SNRPB: variants seen among roughly 807,000 people sequenced by gnomAD.
SNRPB encodes the protein small nuclear ribonucleoprotein polypeptides B and B1, also known as small nuclear ribonucleoprotein-associated proteins B and B'.
SNRPB carries 5 observed loss-of-function variants against 26.6 expected under a neutral mutation model. The ratio of observed to expected loss-of-function variants is 0.19; its 90% CI spans 0.10 to 0.39. The LOEUF (loss-of-function observed/expected upper bound fraction) is 0.39, where lower values mean the gene tolerates loss of function less well. Among genes scored for constraint, SNRPB ranks in the 10% least tolerant of loss-of-function variants. The pLI, the probability that SNRPB is intolerant of heterozygous loss-of-function variation, is 1.00. For missense variants in SNRPB, 211 were observed against 311.9 expected, an observed-to-expected ratio of 0.68 and a Z score of 2.44; for synonymous variants, 122 against 105.8, an observed-to-expected ratio of 1.15 and a Z score of -0.94.
Position 2,462,625 on chromosome 20 carries a change from C to T in SNRPB, c.685+11G>A, listed in dbSNP as rs1328505160. On this transcript the variant is annotated intron_variant, in intron 6 of 6. Coordinates refer to ENST00000381342, the MANE Select transcript of SNRPB (RefSeq NM_003091.4). ...GGGAAAGAAGCCAAAGTCACCACTG[C>T]AGGCACTTACCTCGCATCCCAGGGG... is the stretch of plus-strand genomic sequence containing the variant. The T allele has an allele frequency of 6.2e-7, 1 of 1,611,984 alleles. No individual in the cohort carries two copies. Among genetic ancestry groups the T allele is most frequent in the African/African-American group, 1.3e-5 (1 of 74,888 alleles).
At position 2,469,685 on chromosome 20, in the gene SNRPB, C is replaced by T. The variant is rs191893941; in HGVS notation, c.3+1003G>A. 1.7e-3 allele frequency among the ~76,000 whole-genome samples: 265 copies of T among 152,212 alleles called. 2 individuals are homozygous for T. Among genetic ancestry groups the T allele is most frequent in the African/African-American group, 6.1e-3 (255 of 41,538 alleles). ...TCCAGCCTGGGCAACAAAAGCAAAA[C>T]TCCGTCTCAAAAAAATAAAAATAAA... On this transcript the variant is annotated intron_variant, in intron 1 of 6. Transcript: ENST00000381342.
Position 2,463,177 on chromosome 20 carries a change from G to A in SNRPB, c.471C>T (p.Ala157=). The change falls in exon 5 of 7, where the codon GCC becomes GCT. Residue 157 remains alanine (A), a synonymous_variant. Coordinates refer to ENST00000381342, the MANE Select transcript of SNRPB (RefSeq NM_003091.4). The surrounding 1 kb of genome is among the most constrained non-coding windows in gnomAD (Gnocchi z 5.0). ...RGTVAAAAAA[A]TASIAGAPTQ... is the part of the protein sequence containing the mutation. ...TTGGAGCCCCGGCAATACTGGCTGT[G>A]GCAGCAGCTGCAGCGGCTGCAACAG... The A allele has an allele frequency of 6.2e-7, 1 of 1,609,832 alleles. No homozygotes were observed. Among genetic ancestry groups the A allele is most frequent in the Non-Finnish European group, 8.5e-7 (1 of 1,176,372 alleles).
chr20:2,462,490 T>A (rs558577273), intron 6 of SNRPB, 146 bp downstream of exon 6: 1 of 810,812 alleles, frequency 1.2e-6, no homozygotes, highest in Admixed American at 1.9e-5. Context: ...ATTTAAGAAA[T>A]GTTCCCTCTT....
chr20:2,466,632 T>A (rs1055579078), intron 2 of SNRPB, among the ~76,000 whole-genome samples: 8 of 152,224 alleles, frequency 5.3e-5, no homozygotes, highest in African/African-American at 1.9e-4. Context: ...TCTTATTTTT[T>A]AAAATAATAA....
At chr20:2,462,289 C>G (rs968349162) in intron 6 of SNRPB, among the ~76,000 whole-genome samples, 5 of 152,160 alleles carry the variant, frequency 3.3e-5, no homozygotes, top group South Asian at 2.1e-4. Context: ...CATAATAGTA[C>G]AGCAAAGCCC....
chr20:2,469,190 G>A (rs1415976210), intron 1 of SNRPB, among the ~76,000 whole-genome samples: 1 of 152,154 alleles, frequency 6.6e-6, no homozygotes, highest in Non-Finnish European at 1.5e-5. Flanking sequence ...TGAGGTCACT[G>A]AGGCTAGGAG....
At chr20:2,466,945 A>G (rs1171274946) in intron 2 of SNRPB, among the ~76,000 whole-genome samples, 1 of 152,212 alleles carries the variant, frequency 6.6e-6, no homozygotes, top group Non-Finnish European at 1.5e-5. Flanking sequence ...GCATATGACA[A>G]AAGAGCTGCT....
Position 2,462,711 on chromosome 20 carries a change from C to T in SNRPB, c.610G>A (p.Gly204Arg). 3 of 1,591,904 alleles carry T rather than the reference C, an allele frequency of 1.9e-6. No homozygotes were observed. Among genetic ancestry groups the T allele is most frequent in the Non-Finnish European group, 2.6e-6 (3 of 1,164,934 alleles). ...GMRPPMGPPM[G>R]IPPGRGTPMG... The stretch of plus-strand genomic sequence containing the variant: ...GGAGTCCCTCTTCCAGGGGGGATCC[C>T]CATTGGGGGACCCATAGGAGGTCTC... Residue 204 changes from glycine to arginine, a missense_variant, in exon 6 of 7, where the codon GGG becomes AGG. Physicochemically the swap from Gly to Arg is moderately radical, Grantham distance 125. Coordinates refer to ENST00000381342, the MANE Select transcript of SNRPB (RefSeq NM_003091.4).
chr20:2,467,391 GCCCTTC>G (rs2085080928), intron 2 of SNRPB: 2 of 644,244 alleles, frequency 3.1e-6, no homozygotes, highest in Admixed American at 2.4e-5. Flanking sequence ...AAGCCTAGCA[GCCCTTC>G]ACAACTTGTA....
chr20:2,464,371 C>T (rs1228697429), intron 3 of SNRPB, among the ~76,000 whole-genome samples: 2 of 152,152 alleles, frequency 1.3e-5, no homozygotes, highest in South Asian at 2.1e-4. Context: ...TTATGTTAGA[C>T]CAGCCAATTC....
Position 2,465,701 on chromosome 20 carries a change from G to A in SNRPB, c.267+7C>T, listed in dbSNP as rs1479912992. On this transcript the variant is annotated splice_region_variant and intron_variant, in intron 3 of 6. Coordinates refer to ENST00000381342, the MANE Select transcript of SNRPB (RefSeq NM_003091.4). ...CCTCCTCCACAAGGCTTCCTGCTCT[G>A]ACTTACATCTTTGGGAGGAGGTCCC... 4 of 1,592,960 alleles carry A rather than the reference G, an allele frequency of 2.5e-6. No homozygotes were observed. The highest frequency in any genetic ancestry group is 2.2e-5 in the East Asian group (1 of 44,746).
intron 3 of SNRPB, among the ~76,000 whole-genome samples, chr20:2,464,854 G>C (rs1172020786): frequency 1.3e-5 from 2 of 148,244 alleles, no homozygotes; most frequent in African/African-American, 5.1e-5. Context: ...TGGCGACAGA[G>C]CGAGACTCCA....
intron 3 of SNRPB, among the ~76,000 whole-genome samples, chr20:2,464,983 G>GA (rs1238182038): frequency 1.3e-5 from 2 of 152,062 alleles, no homozygotes; most frequent in Admixed American, 1.3e-4. Context: ...GGTGTTTACA[G>GA]AATCAAGACT....
At position 2,463,045 on chromosome 20, in the gene SNRPB, GCATCTTCT is replaced by G; in HGVS notation, c.559+36_559+43del. The G allele has an allele frequency of 1.4e-6, 2 of 1,479,170 alleles. No homozygotes were observed. Among genetic ancestry groups the G allele is most frequent in the Non-Finnish European group, 1.8e-6 (2 of 1,099,824 alleles). 91.6% of individuals were successfully genotyped at this position (1,479,170 alleles called of 1,614,324 possible). A position where few individuals can be genotyped will look rare whatever the true frequency, so the allele number is the denominator to read the frequency against. ...ATATCTCATCATTAATCCAGCTAAG[GCATCTTCT>G]ATCAATTAGCACTGGTCTCCTTATG... is the stretch of plus-strand genomic sequence containing the variant. On this transcript the variant is annotated intron_variant, in intron 5 of 6. Coordinates refer to ENST00000381342, the MANE Select transcript of SNRPB (RefSeq NM_003091.4). This position sits in a 1 kb window ranked among gnomAD's most constrained non-coding sequence, Gnocchi z 5.0.
chr20:2,466,797 C>T (rs2085077607), intron 2 of SNRPB, among the ~76,000 whole-genome samples: 1 of 152,140 alleles, frequency 6.6e-6, no homozygotes, highest in South Asian at 2.1e-4. Context: ...CTGTTGGCCC[C>T]TCTCTAATAC....
intron 1 of SNRPB, 131 bp downstream of exon 1, chr20:2,470,556 AC>A: frequency 9.1e-7 from 1 of 1,096,880 alleles, no homozygotes. Flanking sequence ...TCCCGCCCAG[AC>A]CGAGCGGCCT....
chr20:2,470,167 A>C (rs995404527), intron 1 of SNRPB, among the ~76,000 whole-genome samples: 34 of 152,222 alleles, frequency 2.2e-4, no homozygotes, highest in African/African-American at 7.7e-4. Flanking sequence ...GTGATGAGCA[A>C]CTGAGTGGAG....
chr20:2,465,939 A>T (rs1439216447), intron 2 of SNRPB, 120 bp from the exon 3 acceptor site: 1 of 700,824 alleles, frequency 1.4e-6, no homozygotes, highest in Non-Finnish European at 2.5e-6. Flanking sequence ...AAACTTTCCC[A>T]AGATAGCCCT....
chr20:2,470,470 C>A (rs2085106713), intron 1 of SNRPB, among the ~76,000 whole-genome samples: 1 of 152,246 alleles, frequency 6.6e-6, no homozygotes, highest in East Asian at 1.9e-4. Flanking sequence ...CCCTGCCGAG[C>A]GACCTCGGCC....
Sources: allele counts gnomAD v4.1 joint callset (sites outside exome capture counted in the v4.1 genomes callset), GRCh38; gene constraint gnomAD v4.1.1; non-coding constraint Gnocchi (gnomAD v3.1); transcripts MANE v1.5; gene names NCBI Gene and HGNC (gene_info 2026-07-23, HGNC 2026-07-21).